SYNE1: variants seen among roughly 807,000 people sequenced by gnomAD.
SYNE1 encodes spectrin repeat containing nuclear envelope protein 1.
Under a neutral mutation model 1,111.0 loss-of-function variants are expected in SYNE1, and 616 were observed. The ratio of observed to expected loss-of-function variants is 0.55; its 90% confidence interval spans 0.52 to 0.59. SYNE1 has a LOEUF of 0.59. Among genes scored for constraint, SYNE1 ranks in the 20% least tolerant of loss-of-function variants. The probability of loss-of-function intolerance (pLI) is 0.00; values close to 1 mark genes in which losing one functional copy is unlikely to be tolerated. For missense variants in SYNE1, 10,006 were observed against 10,417.0 expected (o/e 0.96, Z 1.72); for synonymous variants, 3,855 against 3,825.8 (o/e 1.01, Z -0.28).
At chr6:152,282,223 G>T (rs2094075056) in intron 96 of SYNE1, among the ~76,000 whole-genome samples, 1 of 152,114 alleles carries the variant, frequency 6.6e-6, no homozygotes, top group Non-Finnish European at 1.5e-5. Flanking sequence ...GTTGAACAAG[G>T]TATTCTCAAA....
chr6:152,592,313 T>A (rs1565050188), intron 3 of SYNE1, among the ~76,000 whole-genome samples: 1 of 152,150 alleles, frequency 6.6e-6, no homozygotes, highest in Non-Finnish European at 1.5e-5. Context: ...TGGAATCAAT[T>A]CTGGTGTCCA....
chr6:152,469,348 T>C (rs2098791658), intron 16 of SYNE1, among the ~76,000 whole-genome samples: 1 of 152,070 alleles, frequency 6.6e-6, no homozygotes, highest in Non-Finnish European at 1.5e-5. Flanking sequence ...TCATTATCAT[T>C]ATTAAACACT....
chr6:152,483,618 C>T lies in SYNE1; in HGVS notation c.1186-369G>A, dbSNP rs117423437. Among the ~76,000 whole-genome samples the T allele has an allele frequency of 3.7e-4, 56 of 152,216 alleles. No homozygotes were observed. In the East Asian group the frequency reaches 0.01, roughly 28 times the overall value. On this transcript the variant is annotated intron_variant, in intron 13 of 145. Transcript: ENST00000367255. ...ATGCTTGGAGGATGCAGCAGTTATACACCTGGCACATGTGTATCTTGGTCG... is the reference window on the plus strand; with the variant it reads ...ATGCTTGGAGGATGCAGCAGTTATATACCTGGCACATGTGTATCTTGGTCG...
intron 32 of SYNE1, among the ~76,000 whole-genome samples, chr6:152,440,708 C>T (rs1358990547): frequency 6.6e-6 from 1 of 151,798 alleles, no homozygotes; most frequent in Non-Finnish European, 1.5e-5. Context: ...GCTGGGACTA[C>T]AGGTGTGTGT....
Position 152,471,658 on chromosome 6 carries a change from T to C in SYNE1, c.1571A>G (p.Lys524Arg). Residue 524 changes from lysine to arginine, a missense_variant, in exon 16 of 146, where the codon AAG becomes AGG. Around this residue, in one of 7 missense-constraint regions of SYNE1, gnomAD observed 1,971 missense variants for 2,084.1 expected, o/e 0.95. Coordinates refer to ENST00000367255, the MANE Select transcript of SYNE1 (RefSeq NM_182961.4). The part of the protein sequence containing the change: ...SLLVLAESKL[K>R]SWIIKYGRRE... Reference sequence around the variant, plus strand: ...CCTCCCGTACTTAATGATCCAAGACTTCAGCTTTGACTCTGCAAGAACCAG... The same window carrying C: ...CCTCCCGTACTTAATGATCCAAGACCTCAGCTTTGACTCTGCAAGAACCAG... 6.2e-7 allele frequency: 1 copy of C among 1,614,020 alleles called. No individual in the cohort carries two copies. Among genetic ancestry groups the C allele is most frequent in the Non-Finnish European group, 8.5e-7 (1 of 1,179,902 alleles).
At chr6:152,455,305 G>T in intron 24 of SYNE1, 121 bp downstream of exon 24, 1 of 1,094,324 alleles carries the variant, frequency 9.1e-7, no homozygotes, top group Non-Finnish European at 1.3e-6. Context: ...AAAAGTCTCT[G>T]CTTCCCTGAC....
chr6:152,526,162 A>G lies in SYNE1; in HGVS notation c.143T>C (p.Met48Thr), dbSNP rs1430187043. Residue 48 changes from methionine to threonine, a missense_variant, in exon 5 of 146, where the codon ATG becomes ACG. By Grantham distance (81) the Met-to-Thr change is moderately conservative. Coordinates refer to ENST00000367255, the MANE Select transcript of SYNE1 (RefSeq NM_182961.4). ...GTCTTCAAAAAGATCGTCCACCACC[A>G]TTGGAGGTTTCCGCTGTAAAAGCAA... Reference protein sequence around the residue: ...NSHLAKRKPPMVVDDLFEDMK... With the variant: ...NSHLAKRKPPTVVDDLFEDMK... 1 of 1,614,084 alleles carries G rather than the reference A, an allele frequency of 6.2e-7. No homozygotes were observed. Among genetic ancestry groups the G allele is most frequent in the East Asian group, 2.2e-5 (1 of 44,876 alleles).
chr6:152,144,573 C>G (rs933367215), intron 137 of SYNE1: 3 of 152,050 alleles, frequency 2.0e-5, no homozygotes, highest in African/African-American at 7.3e-5. Flanking sequence ...GAAAGCAGAA[C>G]AAATATTAGT....
chr6:152,324,798 C>CA (rs890529073), intron 81 of SYNE1, among the ~76,000 whole-genome samples: 14 of 151,686 alleles, frequency 9.2e-5, no homozygotes, highest in South Asian at 6.2e-4. Flanking sequence ...GAGACTCCGT[C>CA]AAAAAAAAGA....
Position 152,353,296 on chromosome 6 carries a change from T to C in SYNE1, c.11220A>G (p.Thr3740=). The change falls in exon 69 of 146, where the codon ACA becomes ACG. Residue 3740 remains threonine (T), a synonymous_variant. Coordinates refer to ENST00000367255, the MANE Select transcript of SYNE1 (RefSeq NM_182961.4). Reference sequence around the variant, plus strand: ...TCTTCAATTTCTTCCCCATCATTACTGTATCTACTTTGTCAATCTTGGTAG... The same window carrying C: ...TCTTCAATTTCTTCCCCATCATTACCGTATCTACTTTGTCAATCTTGGTAG... ...NVATKIDKVD[T]VMMGKKLKTL... 1.2e-6 allele frequency: 2 copies of C among 1,614,224 alleles called. No homozygotes were observed. The highest frequency in any genetic ancestry group is 1.7e-6 in the Non-Finnish European group (2 of 1,180,040).
intron 3 of SYNE1, among the ~76,000 whole-genome samples, chr6:152,559,936 C>T (rs532491634): frequency 9.9e-5 from 15 of 152,104 alleles, no homozygotes; most frequent in African/African-American, 3.4e-4. Flanking sequence ...GATATTACAA[C>T]TGATACTACA....
At chr6:152,221,679 G>A (rs1408897543) in intron 117 of SYNE1, 120 bp from the exon 118 acceptor site, 1 of 1,263,542 alleles carries the variant, frequency 7.9e-7, no homozygotes, top group African/African-American at 1.5e-5. Context: ...AACCAGGCAT[G>A]ACTTAGCACC....
At chr6:152,604,204 G>A (rs1285827372) in intron 3 of SYNE1, among the ~76,000 whole-genome samples, 2 of 151,382 alleles carry the variant, frequency 1.3e-5, no homozygotes, top group African/African-American at 4.9e-5. Context: ...GTATGTAGTG[G>A]TATTGGGAAG....
chr6:152,425,105 A>AATAATACATACAT (rs2098332331), intron 39 of SYNE1, among the ~76,000 whole-genome samples: 1 of 152,210 alleles, frequency 6.6e-6, no homozygotes, highest in Non-Finnish European at 1.5e-5. Context: ...TTAAGCAATA[A>AATAATACATACAT]ATAATACATA....
Position 152,214,945 on chromosome 6 carries a change from T to A in SYNE1, c.22307A>T (p.His7436Leu). 2 of 1,614,172 alleles carry A rather than the reference T, an allele frequency of 1.2e-6. No individual in the cohort carries two copies. Among genetic ancestry groups the A allele is most frequent in the Non-Finnish European group, 1.7e-6 (2 of 1,180,004 alleles). Residue 7436 changes from histidine (H) to leucine (L), a missense_variant, in exon 122 of 146, where the codon CAT (histidine) becomes CTT (leucine). Physicochemically the swap from His to Leu is moderately conservative, Grantham distance 99. Around this residue, in one of 7 missense-constraint regions of SYNE1, gnomAD observed 2,182 missense variants for 2,287.8 expected, o/e 0.95. Transcript: ENST00000367255. ...AGTCTGAGAGGAGATCAGAGACCAATGGCGGTTCAGATTCTGCATTCTTTT... is the reference window on the plus strand; with the variant it reads ...AGTCTGAGAGGAGATCAGAGACCAAAGGCGGTTCAGATTCTGCATTCTTTT... ...EIKRMQNLNRHWSLISSQTTE... is the reference protein window; with the variant it reads ...EIKRMQNLNRLWSLISSQTTE...
intron 131 of SYNE1, among the ~76,000 whole-genome samples, chr6:152,156,645 T>C (rs914410045): frequency 1.3e-5 from 2 of 152,212 alleles, no homozygotes; most frequent in African/African-American, 4.8e-5. Context: ...TATACTGTAT[T>C]GTTTAGGGAA....
At chr6:152,163,065 C>A (rs545384310) in intron 131 of SYNE1, among the ~76,000 whole-genome samples, 1 of 152,130 alleles carries the variant, frequency 6.6e-6, no homozygotes, top group African/African-American at 2.4e-5. Context: ...AACTTTGCTG[C>A]AATGGCCTAA....
intron 100 of SYNE1, among the ~76,000 whole-genome samples, chr6:152,263,388 C>CTTAT (rs906892051): frequency 6.6e-6 from 1 of 151,778 alleles, no homozygotes; most frequent in South Asian, 2.1e-4. Flanking sequence ...TGGTATGGCT[C>CTTAT]TTATTTATTT....
chr6:152,512,737 C>A (rs965683672), intron 6 of SYNE1, among the ~76,000 whole-genome samples: 3 of 152,118 alleles, frequency 2.0e-5, no homozygotes, highest in African/African-American at 7.2e-5. Flanking sequence ...TGATTATCTG[C>A]CCCAAAATGT....
Sources: allele counts gnomAD v4.1 joint callset (sites outside exome capture counted in the v4.1 genomes callset), GRCh38; gene constraint gnomAD v4.1.1; regional missense constraint gnomAD v4.1.1; transcripts MANE v1.5; gene names NCBI Gene and HGNC (gene_info 2026-07-23, HGNC 2026-07-21).